MAGI2: variants seen among roughly 807,000 people sequenced by gnomAD.
MAGI2 encodes the protein membrane-associated guanylate kinase, WW and PDZ domain-containing protein 2.
MAGI2 carries 35 observed loss-of-function variants against 133.3 expected under a neutral mutation model. The observed-to-expected ratio is 0.26, with a 90% confidence interval of 0.20 to 0.35. MAGI2 has a LOEUF of 0.35. Ranked by LOEUF, MAGI2 falls within the 10% of genes least tolerant of loss-of-function variation. The pLI is 1.00. For synonymous variants in MAGI2, 729 were observed against 710.6 expected (o/e 1.03, Z -0.41); for missense variants, 1,636 against 1,863.4 (o/e 0.88, Z 2.25).
chr7:78,838,374 T>C (rs1791838154), intron 2 of MAGI2, among the ~76,000 whole-genome samples: 1 of 152,022 alleles, frequency 6.6e-6, no homozygotes, highest in African/African-American at 2.4e-5. Flanking sequence ...GCTGGTGAAA[T>C]AGAGCAATTG....
chr7:78,569,052 T>C (rs1432760325), intron 3 of MAGI2, among the ~76,000 whole-genome samples: 1 of 152,068 alleles, frequency 6.6e-6, no homozygotes, highest in Admixed American at 6.6e-5. Flanking sequence ...TCAGATATCT[T>C]GTTATCAGAG....
chr7:78,914,725 G>C (rs537877042), intron 2 of MAGI2, among the ~76,000 whole-genome samples: 1 of 152,120 alleles, frequency 6.6e-6, no homozygotes, highest in Non-Finnish European at 1.5e-5. Context: ...AGTGAAAACA[G>C]AGAAGACAGA....
intron 1 of MAGI2, among the ~76,000 whole-genome samples, chr7:79,131,402 A>C (rs896824311): frequency 6.6e-6 from 1 of 152,208 alleles, no homozygotes; most frequent in African/African-American, 2.4e-5. Context: ...AACCTTCTCC[A>C]CTTTTGATAG....
At chr7:79,046,503 G>A (rs921268516) in intron 1 of MAGI2, among the ~76,000 whole-genome samples, 3 of 152,172 alleles carry the variant, frequency 2.0e-5, no homozygotes, top group East Asian at 1.9e-4. Context: ...CAGCCCTAGC[G>A]AAGTAATACA....
intron 16 of MAGI2, among the ~76,000 whole-genome samples, chr7:78,143,061 T>C (rs546923976): frequency 1.3e-5 from 2 of 152,192 alleles, no homozygotes; most frequent in South Asian, 2.1e-4. Flanking sequence ...GAAAAAGATA[T>C]GTATTTCCAT....
intron 1 of MAGI2, among the ~76,000 whole-genome samples, chr7:79,347,679 T>A (rs1841423221): frequency 6.6e-6 from 1 of 151,892 alleles, no homozygotes; most frequent in South Asian, 2.1e-4. Context: ...TTAACATATA[T>A]CATACTAAGA....
In MAGI2 at chr7:78,243,257, ACACACACACACACTCTCT is replaced by A. The variant is rs755449816; in HGVS notation, c.2047+12668_2047+12685del. Reference sequence around the variant, plus strand: ...CACACACACACACACACACACACACACACACACACACACTCTCTCTCTCTCTCTCTTATAAAACAAATG... The same window carrying A: ...CACACACACACACACACACACACACACTCTCTCTCTCTTATAAAACAAATG... On this transcript the variant is annotated intron_variant, in intron 10 of 21. Transcript: ENST00000354212. Among the ~76,000 whole-genome samples the A allele has an allele frequency of 4.6e-3, 200 of 43,080 alleles. 1 individual carries two copies. Among genetic ancestry groups the A allele is most frequent in the Admixed American group, 0.024 (72 of 2,956 alleles). 28.3% of individuals were successfully genotyped at this position (43,080 alleles called of 152,430 possible).
At chr7:79,306,489 G>A (rs1837825557) in intron 1 of MAGI2, among the ~76,000 whole-genome samples, 1 of 151,680 alleles carries the variant, frequency 6.6e-6, no homozygotes, top group Non-Finnish European at 1.5e-5. Flanking sequence ...TGAAACCACA[G>A]ATCTACATTT....
chr7:78,369,159 A>G lies in MAGI2; in HGVS notation c.1100T>C (p.Val367Ala). 11 of 1,598,708 alleles carry G rather than the reference A, an allele frequency of 6.9e-6. No homozygotes were observed. The highest frequency in any genetic ancestry group is 7.7e-6 in the Non-Finnish European group (9 of 1,169,626). Residue 367 changes from valine to alanine, a missense_variant, in exon 7 of 22, where the codon GTT becomes GCT. Val to Ala is a moderately conservative substitution (Grantham distance 64, BLOSUM62 0). Coordinates refer to ENST00000354212, the MANE Select transcript of MAGI2 (RefSeq NM_012301.4). ...IDDPIYGTYYVDHINRRTQFE... is the reference protein window; with the variant it reads ...IDDPIYGTYYADHINRRTQFE... The stretch of plus-strand genomic sequence containing the variant: ...AATATCACACTTAGAGACTTACTCA[A>G]CATAATAAGTGCCATAAATGGGATC...
chr7:78,407,747 A>G lies in MAGI2; in HGVS notation c.1046-38534T>C, dbSNP rs147620816. ...ATTTGCATATTGACAAAAACACAAGAAAAGTCCATTGCAGCCAACTGAAAC... is the reference window on the plus strand; with the variant it reads ...ATTTGCATATTGACAAAAACACAAGGAAAGTCCATTGCAGCCAACTGAAAC... On this transcript the variant is annotated intron_variant, in intron 6 of 21. Transcript: ENST00000354212. Among the ~76,000 whole-genome samples the G allele has an allele frequency of 3.4e-3, 513 of 152,134 alleles. 3 individuals are homozygous for G. The highest frequency in any genetic ancestry group is 0.012 in the African/African-American group (490 of 41,518).
At position 78,017,738 on chromosome 7, in the gene MAGI2, G is replaced by A. The variant is rs1447528273; in HGVS notation, c.*1577C>T. 2.6e-5 allele frequency: 4 copies of A among 152,570 alleles called. No homozygotes were observed. The highest frequency in any genetic ancestry group is 5.9e-5 in the Non-Finnish European group (4 of 68,044). The allele number at this position is 152,570 out of a possible 1,614,324, so 9.5% of individuals were successfully genotyped here. Reference sequence around the variant, plus strand: ...TCCGATGTTTGATGAAAATTAAACTGCTACTCAGGATACTGCAATTACAAG... The same window carrying A: ...TCCGATGTTTGATGAAAATTAAACTACTACTCAGGATACTGCAATTACAAG... On this transcript the variant is annotated 3_prime_UTR_variant, in exon 22 of 22. Coordinates refer to ENST00000354212, the MANE Select transcript of MAGI2 (RefSeq NM_012301.4).
At chr7:78,462,970 A>T (rs1348037313) in intron 6 of MAGI2, among the ~76,000 whole-genome samples, 1 of 152,220 alleles carries the variant, frequency 6.6e-6, no homozygotes, top group African/African-American at 2.4e-5. Flanking sequence ...TAAAATTGAG[A>T]AACAGGTGGA....
intron 1 of MAGI2, among the ~76,000 whole-genome samples, chr7:79,256,715 T>C (rs952536357): frequency 7.9e-5 from 12 of 152,028 alleles, no homozygotes; most frequent in Admixed American, 7.2e-4. Flanking sequence ...AGTCTCAAAC[T>C]TCTGGGCTCA....
At chr7:78,545,212 C>CTTT (rs71085537) in intron 3 of MAGI2, among the ~76,000 whole-genome samples, 26 of 83,086 alleles carry the variant, frequency 3.1e-4, no homozygotes, top group South Asian at 4.9e-4. Context: ...TAACCTGATT[C>CTTT]TTTTTTTTTT....
At chr7:78,635,369 T>A (rs551683335) in intron 2 of MAGI2, among the ~76,000 whole-genome samples, 12 of 152,352 alleles carry the variant, frequency 7.9e-5, no homozygotes, top group Non-Finnish European at 1.5e-4. Flanking sequence ...ATTTCCTAGT[T>A]TGAGTAAAAT....
intron 1 of MAGI2, among the ~76,000 whole-genome samples, chr7:79,008,393 A>G (rs1807685892): frequency 6.6e-6 from 1 of 152,156 alleles, no homozygotes; most frequent in Non-Finnish European, 1.5e-5. Context: ...ACATTTCTAA[A>G]GTTTTCAAAA....
At chr7:78,808,985 A>G (rs532426490) in intron 2 of MAGI2, among the ~76,000 whole-genome samples, 46 of 152,366 alleles carry the variant, frequency 3.0e-4, no homozygotes, top group Admixed American at 1.2e-3. Context: ...AACATGGCCC[A>G]GATTCTTTCA....
intron 9 of MAGI2, among the ~76,000 whole-genome samples, chr7:78,307,866 T>C (rs748911586): frequency 6.6e-6 from 1 of 152,236 alleles, no homozygotes; most frequent in East Asian, 1.9e-4. Flanking sequence ...TGAGCAAAGA[T>C]GAGAGGAGTC....
intron 1 of MAGI2, among the ~76,000 whole-genome samples, chr7:79,441,777 T>A (rs1221261266): frequency 2.0e-5 from 3 of 152,166 alleles, no homozygotes; most frequent in African/African-American, 7.2e-5. Flanking sequence ...ACCAAAGCAA[T>A]GCCAGTACTT....
Sources: gnomAD v4.1 joint callset for allele counts (sites outside exome capture counted in the v4.1 genomes callset) on GRCh38, gnomAD v4.1.1 for gene constraint, MANE v1.5 for transcripts, NCBI Gene and HGNC (gene_info 2026-07-23, HGNC 2026-07-21) for gene names.